DEPDC1B: variants seen among roughly 807,000 people sequenced by gnomAD.
The protein encoded by DEPDC1B is DEP domain containing 1B, also known as DEP domain-containing protein 1B.
DEPDC1B carries 51 observed loss-of-function variants against 66.5 expected under a neutral mutation model. That is an observed-to-expected ratio of 0.77 (90% CI 0.61 to 0.97). The LOEUF (loss-of-function observed/expected upper bound fraction) is 0.97. Ranked by LOEUF, DEPDC1B falls within the 50% of genes least tolerant of loss-of-function variation. DEPDC1B has a pLI of 0.00. For missense variants in DEPDC1B, 552 were observed against 637.1 expected (o/e 0.87, Z 1.44); for synonymous variants, 226 against 223.6 (o/e 1.01, Z -0.10).
chr5:60,597,880 C>A lies in DEPDC1B; in HGVS notation c.1463G>T (p.Arg488Leu). 6.2e-7 allele frequency: 1 copy of A among 1,611,580 alleles called. No individual in the cohort carries two copies. The highest frequency in any genetic ancestry group is 8.5e-7 in the Non-Finnish European group (1 of 1,179,266). The change falls in exon 11 of 11, where the codon CGA becomes CTA. Residue 488 changes from arginine to leucine, a missense_variant. Coordinates refer to ENST00000265036, the MANE Select transcript of DEPDC1B (RefSeq NM_018369.3). ...QKSYPEVYQE[R>L]FPTPESAALL... ...TGCTGCACTTTCTGGTGTAGGAAATCGTTCTTGATAGACTTCAGGATAGGA... is the reference window on the plus strand; with the variant it reads ...TGCTGCACTTTCTGGTGTAGGAAATAGTTCTTGATAGACTTCAGGATAGGA...
At chr5:60,637,237 G>T (rs1028774183) in intron 7 of DEPDC1B, among the ~76,000 whole-genome samples, 1 of 152,148 alleles carries the variant, frequency 6.6e-6, no homozygotes, top group African/African-American at 2.4e-5. Context: ...ATGGTGGGAG[G>T]TGATTGGATC....
At chr5:60,622,922 A>G (rs1752737811) in intron 7 of DEPDC1B, among the ~76,000 whole-genome samples, 1 of 152,252 alleles carries the variant, frequency 6.6e-6, no homozygotes, top group South Asian at 2.1e-4. Flanking sequence ...TTTGTGAGCT[A>G]TGTAATGGGA....
intron 7 of DEPDC1B, among the ~76,000 whole-genome samples, chr5:60,606,601 C>A: frequency 1.0e-5 from 1 of 98,842 alleles, no homozygotes; most frequent in African/African-American, 4.3e-5. Context: ...AGTGAGAACC[C>A]ATTTCTACAA....
At chr5:60,618,449 A>AG (rs1333833206) in intron 7 of DEPDC1B, among the ~76,000 whole-genome samples, 1 of 152,242 alleles carries the variant, frequency 6.6e-6, no homozygotes, top group African/African-American at 2.4e-5. Context: ...AAAATGATAA[A>AG]GGGGATATCA....
intron 3 of DEPDC1B, 67 bp from the exon 4 acceptor site, chr5:60,645,686 C>T (rs1219037057): frequency 6.8e-7 from 1 of 1,480,342 alleles, no homozygotes; most frequent in African/African-American, 1.4e-5. Context: ...ATAAATATTT[C>T]AATATAAGGT....
chr5:60,664,324 T>G (rs1275982263), intron 2 of DEPDC1B, among the ~76,000 whole-genome samples: 1 of 152,202 alleles, frequency 6.6e-6, no homozygotes, highest in Non-Finnish European at 1.5e-5. Context: ...AGTAGCAGTC[T>G]TAGTATCTAA....
At chr5:60,620,448 A>G (rs1429633403) in intron 7 of DEPDC1B, among the ~76,000 whole-genome samples, 1 of 152,250 alleles carries the variant, frequency 6.6e-6, no homozygotes, top group Admixed American at 6.5e-5. Context: ...TACAAGAAAA[A>G]AACAAACAAC....
intron 2 of DEPDC1B, 105 bp from the exon 3 acceptor site, chr5:60,647,638 G>T: frequency 4.8e-6 from 6 of 1,260,702 alleles, no homozygotes; most frequent in Non-Finnish European, 6.6e-6. Flanking sequence ...ACAATAATTT[G>T]TACAATATTT....
chr5:60,604,791 G>A lies in DEPDC1B; in HGVS notation c.1065+899C>T, dbSNP rs183137883. On this transcript the variant is annotated intron_variant, in intron 8 of 10. Transcript: ENST00000265036. ...TGAAACTGCATGCAAAGTTTTGCATGTGTATTTTATATGCAGAATAGATAT... is the reference window on the plus strand; with the variant it reads ...TGAAACTGCATGCAAAGTTTTGCATATGTATTTTATATGCAGAATAGATAT... Among the ~76,000 whole-genome samples the A allele has an allele frequency of 3.3e-5, 5 of 152,288 alleles. No homozygotes were observed. The East Asian group carries it at 9.6e-4, about 29-fold the overall frequency.
intron 2 of DEPDC1B, among the ~76,000 whole-genome samples, chr5:60,684,763 C>T (rs997210116): frequency 1.3e-5 from 2 of 152,234 alleles, no homozygotes; most frequent in African/African-American, 2.4e-5. Context: ...AACTAAAAAG[C>T]TTCTGCATAG....
intron 7 of DEPDC1B, among the ~76,000 whole-genome samples, chr5:60,633,161 A>G (rs1310313432): frequency 1.3e-5 from 2 of 152,214 alleles, no homozygotes; most frequent in Non-Finnish European, 2.9e-5. Context: ...CAGTGAGTGC[A>G]GAAGCCAGGA....
intron 9 of DEPDC1B, among the ~76,000 whole-genome samples, chr5:60,600,615 T>C (rs1314733273): frequency 1.3e-5 from 2 of 152,192 alleles, no homozygotes; most frequent in Admixed American, 6.5e-5. Context: ...TAATATGTAC[T>C]TGCAAGAGAG....
rs3989094 is a variant in DEPDC1B, at chr5:60,613,828, G to GTGTGTGTGTGTATA, written c.899-7973_899-7972insTATACACACACACA. On this transcript the variant is annotated intron_variant, in intron 7 of 10. Coordinates refer to ENST00000265036, the MANE Select transcript of DEPDC1B (RefSeq NM_018369.3). ...TGTGTGTGTGTGTGTGTGTGTGTGTGTATACATAAAAAACAGATGTAGGGT... is the reference window on the plus strand; with the variant it reads ...TGTGTGTGTGTGTGTGTGTGTGTGTGTGTGTGTGTGTATATATACATAAAAAACAGATGTAGGGT... 2.6e-3 allele frequency among the ~76,000 whole-genome samples: 370 copies of GTGTGTGTGTGTATA among 144,478 alleles called. 2 individuals carry two copies. The highest frequency in any genetic ancestry group is 3.3e-3 in the Non-Finnish European group (217 of 66,380). The allele number at this position is 144,478 out of a possible 152,430, so 94.8% of individuals were successfully genotyped here.
chr5:60,599,392 G>C (rs1752158828), intron 9 of DEPDC1B, 132 bp from the exon 10 acceptor site: 8 of 532,546 alleles, frequency 1.5e-5, no homozygotes, highest in Admixed American at 4.2e-5. Context: ...ATTTGATTGG[G>C]GGAAACTCTA....
rs754917329 is a variant in DEPDC1B, at chr5:60,700,095, G to A, written c.-2C>T. 7.7e-6 allele frequency: 12 copies of A among 1,553,016 alleles called. No homozygotes were observed. The highest frequency in any genetic ancestry group is 1.0e-5 in the Non-Finnish European group (12 of 1,151,094). ...GGGCCCCACGATGCGATGCTCCATGGCGCGTAGGCAGCAGCGGCCGCAGCC... is the reference window on the plus strand; with the variant it reads ...GGGCCCCACGATGCGATGCTCCATGACGCGTAGGCAGCAGCGGCCGCAGCC... On this transcript the variant is annotated 5_prime_UTR_variant, in exon 1 of 11. Transcript: ENST00000265036.
intron 5 of DEPDC1B, among the ~76,000 whole-genome samples, chr5:60,644,504 C>T (rs956280133): frequency 2.6e-5 from 4 of 152,120 alleles, no homozygotes; most frequent in African/African-American, 4.8e-5. Context: ...CACTTAATGC[C>T]CAAGGTGGCT....
intron 2 of DEPDC1B, among the ~76,000 whole-genome samples, chr5:60,675,903 CTT>C (rs35113345): frequency 9.4e-5 from 13 of 138,884 alleles, no homozygotes; most frequent in South Asian, 2.3e-4. Context: ...TTTCTTTTTT[CTT>C]TTTTTTTTTT....
At chr5:60,615,347 G>A (rs1320520826) in intron 7 of DEPDC1B, among the ~76,000 whole-genome samples, 6 of 152,148 alleles carry the variant, frequency 3.9e-5, no homozygotes, top group Admixed American at 2.0e-4. Flanking sequence ...GAATGGTGAC[G>A]CATCGCCTCA....
intron 1 of DEPDC1B, among the ~76,000 whole-genome samples, chr5:60,692,476 A>C (rs895087631): frequency 1.3e-5 from 2 of 152,180 alleles, no homozygotes; most frequent in Admixed American, 6.5e-5. Context: ...TACAAAACTA[A>C]AATTTTTTTT....
Sources: gnomAD v4.1 joint callset for allele counts (sites outside exome capture counted in the v4.1 genomes callset) on GRCh38, gnomAD v4.1.1 for gene constraint, MANE v1.5 for transcripts, NCBI Gene and HGNC (gene_info 2026-07-23, HGNC 2026-07-21) for gene names.